NPNT: variants seen among roughly 807,000 people sequenced by gnomAD.
NPNT encodes the protein nephronectin.
In NPNT, 45 loss-of-function variants were observed where a neutral mutation model predicts 68.6. The observed-to-expected ratio is 0.66, with a 90% CI of 0.52 to 0.84. The LOEUF (loss-of-function observed/expected upper bound fraction) is 0.84. Among genes scored for constraint, NPNT ranks in the 40% least tolerant of loss-of-function variants. NPNT has a pLI of 0.00. For missense variants in NPNT, 672 were observed against 714.8 expected (o/e 0.94, Z 0.68); for synonymous variants, 233 against 253.3 (o/e 0.92, Z 0.76).
Position 105,967,272 on chromosome 4 carries a change from A to G in NPNT, c.1430A>G (p.His477Arg), listed in dbSNP as rs375878808. The G allele has an allele frequency of 1.8e-4, 298 of 1,614,028 alleles. No homozygotes were observed. Among genetic ancestry groups the G allele is most frequent in the Non-Finnish European group, 2.1e-4 (248 of 1,179,992 alleles). Residue 477 changes from histidine to arginine, a missense_variant, in exon 11 of 12, where the codon CAT becomes CGT. Coordinates refer to ENST00000379987, the MANE Select transcript of NPNT (RefSeq NM_001033047.3). ...GTGCTACCTCTCGGCCGCCTCATGCATTCAGGGGACCTGTGCCTGTCATTC... is the reference window on the plus strand; with the variant it reads ...GTGCTACCTCTCGGCCGCCTCATGCGTTCAGGGGACCTGTGCCTGTCATTC... The part of the protein sequence containing the change: ...RLVLPLGRLM[H>R]SGDLCLSFRH...
rs1269132058 is a variant in NPNT, at chr4:105,906,705, A to G, written c.172+8704A>G. ...GATATATTTTGAAGATCAGTAATCA[A>G]CTAATGGAGTTGATATCCAGAGACA... On this transcript the variant is annotated intron_variant, in intron 2 of 11. Coordinates refer to ENST00000379987, the MANE Select transcript of NPNT (RefSeq NM_001033047.3). Among the ~76,000 whole-genome samples the G allele has an allele frequency of 2.6e-5, 4 of 152,232 alleles. No individual in the cohort carries two copies. The South Asian group carries it at 6.2e-4, about 24-fold the overall frequency.
At position 105,938,340 on chromosome 4, in the gene NPNT, G is replaced by T. The variant is rs757590756; in HGVS notation, c.425G>T (p.Cys142Phe). The change falls in exon 5 of 12, where the codon TGT (cysteine) becomes TTT (phenylalanine). Residue 142 changes from cysteine (C) to phenylalanine (F), a missense_variant. By Grantham distance (205) the Cys-to-Phe change is radical (BLOSUM62 -2). Coordinates refer to ENST00000379987, the MANE Select transcript of NPNT (RefSeq NM_001033047.3). ...TCSMANCQYG[C>F]DVVKGQIRCQ... Reference sequence around the variant, plus strand: ...TCCATGGCAAACTGTCAGTATGGCTGTGATGTTGTTAAAGGACAAATACGG... The same window carrying T: ...TCCATGGCAAACTGTCAGTATGGCTTTGATGTTGTTAAAGGACAAATACGG... 1 of 1,613,754 alleles carries T rather than the reference G, an allele frequency of 6.2e-7. No homozygotes were observed. Among genetic ancestry groups the T allele is most frequent in the Non-Finnish European group, 8.5e-7 (1 of 1,179,760 alleles).
chr4:105,950,692 G>A (rs899009180), intron 8 of NPNT, among the ~76,000 whole-genome samples: 7 of 152,100 alleles, frequency 4.6e-5, no homozygotes, highest in African/African-American at 1.7e-4. Context: ...TCAACCAGCG[G>A]TGAGCTGGAT....
chr4:105,937,664 A>C (rs1729599445), intron 4 of NPNT, among the ~76,000 whole-genome samples: 1 of 152,216 alleles, frequency 6.6e-6, no homozygotes, highest in South Asian at 2.1e-4. Flanking sequence ...AATGAATATG[A>C]TACCAGAAAA....
chr4:105,966,341 T>G (rs72956799), intron 10 of NPNT, among the ~76,000 whole-genome samples: 3,815 of 152,236 alleles, frequency 0.025, 143 homozygotes, highest in African/African-American at 0.087. Context: ...ATTTTTTTTC[T>G]AATGCAGTTT....
chr4:105,915,262 A>C (rs1011224420), intron 2 of NPNT, among the ~76,000 whole-genome samples: 4 of 152,144 alleles, frequency 2.6e-5, no homozygotes. Context: ...GTAGGAAGTC[A>C]ACCTGGTGAG....
intron 10 of NPNT, among the ~76,000 whole-genome samples, chr4:105,965,979 A>G (rs1445918877): frequency 2.6e-5 from 4 of 151,762 alleles, no homozygotes; most frequent in Non-Finnish European, 5.9e-5. Context: ...GTGCACAGAA[A>G]TCACCTGTGA....
At chr4:105,936,697 T>G (rs1236374460) in intron 3 of NPNT, among the ~76,000 whole-genome samples, 2 of 152,214 alleles carry the variant, frequency 1.3e-5, no homozygotes, top group African/African-American at 4.8e-5. Context: ...TGATAGAGCA[T>G]CTCTGCCCAT....
rs377589302 is a variant in NPNT at position 105,958,457 on chromosome 4, C to A, written c.1160-14C>A. The A allele has an allele frequency of 1.9e-6, 3 of 1,570,138 alleles. No individual in the cohort carries two copies. The highest frequency in any genetic ancestry group is 2.6e-6 in the Non-Finnish European group (3 of 1,141,732). On this transcript the variant is annotated splice_polypyrimidine_tract_variant and intron_variant, in intron 8 of 11. Coordinates refer to ENST00000379987, the MANE Select transcript of NPNT (RefSeq NM_001033047.3). The stretch of plus-strand genomic sequence containing the variant: ...CACACACACACACAAAAACTCAAAA[C>A]CTTTCTCTTGCAGTTCCACGGCAAC...
In NPNT at chr4:105,932,550, T is replaced by A; in HGVS notation, c.266-4459T>A. The A allele has an allele frequency of 8.0e-6, 9 of 1,127,192 alleles. No homozygotes were observed. In the South Asian group the frequency reaches 1.1e-4, roughly 14 times the overall value. 69.8% of individuals were successfully genotyped at this position (1,127,192 alleles called of 1,614,324 possible). On this transcript the variant is annotated intron_variant, in intron 3 of 11. Transcript: ENST00000379987. ...ATTGTTTAATATATACTTGCAAAGATTTTTAGGGCTAAAATTGACATCAGT... is the reference window on the plus strand; with the variant it reads ...ATTGTTTAATATATACTTGCAAAGAATTTTAGGGCTAAAATTGACATCAGT...
At chr4:105,942,825 C>A in intron 8 of NPNT, 123 bp downstream of exon 8, 2 of 876,268 alleles carry the variant, frequency 2.3e-6, no homozygotes, top group Non-Finnish European at 3.4e-6. Context: ...GTCGTATGTC[C>A]CTATTGACAA....
chr4:105,949,521 C>T lies in NPNT; in HGVS notation c.1159+6819C>T, dbSNP rs78679531. Among the ~76,000 whole-genome samples the T allele has an allele frequency of 3.4e-3, 515 of 152,200 alleles. 4 individuals carry two copies. Among genetic ancestry groups the T allele is most frequent in the African/African-American group, 0.012 (491 of 41,520 alleles). On this transcript the variant is annotated intron_variant, in intron 8 of 11. Coordinates refer to ENST00000379987, the MANE Select transcript of NPNT (RefSeq NM_001033047.3). ...AAAGCAGCTATAAGTGGTGGTATGC[C>T]TGTATGGACACCATAGGTTTGCTGC...
At chr4:105,936,641 C>T (rs1313450142) in intron 3 of NPNT, among the ~76,000 whole-genome samples, 1 of 152,190 alleles carries the variant, frequency 6.6e-6, no homozygotes. Context: ...TTGGATCTAG[C>T]AATAGAACCC....
At chr4:105,935,073 A>G (rs1464876792) in intron 3 of NPNT, among the ~76,000 whole-genome samples, 1 of 152,204 alleles carries the variant, frequency 6.6e-6, no homozygotes, top group Non-Finnish European at 1.5e-5. Flanking sequence ...GAGCTGCCTG[A>G]AACTGTAAAC....
At chr4:105,958,661 C>T in intron 9 of NPNT, 104 bp downstream of exon 9, 1 of 586,118 alleles carries the variant, frequency 1.7e-6, no homozygotes. Context: ...GAAAATTACA[C>T]CTGTTTTCTT....
rs533384734 is a variant in NPNT, at chr4:105,970,457, G to A, written c.*1467G>A. On this transcript the variant is annotated 3_prime_UTR_variant, in exon 12 of 12. Transcript: ENST00000379987. ...AAATTAAAGGAACTGGGATTATTGA[G>A]CCTGGAGAAGAGAAGACTGAGGGGC... 7.6e-5 allele frequency: 53 copies of A among 699,454 alleles called. No individual in the cohort carries two copies. The African/African-American group carries it at 7.9e-4, about 10-fold the overall frequency. 43.3% of individuals were successfully genotyped at this position (699,454 alleles called of 1,614,324 possible). A position where few individuals can be genotyped will look rare whatever the true frequency, so the allele number is the denominator to read the frequency against.
At position 105,969,015 on chromosome 4, in the gene NPNT, C is replaced by A; in HGVS notation, c.*25C>A. The A allele has an allele frequency of 7.2e-7, 1 of 1,379,736 alleles. No homozygotes were observed. Among genetic ancestry groups the A allele is most frequent in the Non-Finnish European group, 1.0e-6 (1 of 971,740 alleles). 85.5% of individuals were successfully genotyped at this position (1,379,736 alleles called of 1,614,324 possible). ...ACAACTCCAGAACTAACAATGAACT[C>A]CTATGTTGCTCTATCCTCTTTTTCC... On this transcript the variant is annotated 3_prime_UTR_variant, in exon 12 of 12. Coordinates refer to ENST00000379987, the MANE Select transcript of NPNT (RefSeq NM_001033047.3).
At chr4:105,912,499 C>T (rs922026491) in intron 2 of NPNT, 10 of 527,150 alleles carry the variant, frequency 1.9e-5, no homozygotes, top group African/African-American at 1.0e-4. Flanking sequence ...ATAAATTGAC[C>T]TCCATTCTAA....
chr4:105,915,254 A>T (rs986712017), intron 2 of NPNT, among the ~76,000 whole-genome samples: 13 of 152,262 alleles, frequency 8.5e-5, no homozygotes, highest in African/African-American at 2.9e-4. Flanking sequence ...TGGGACCTGT[A>T]GGAAGTCAAC....
Sources: gnomAD v4.1 joint callset for allele counts (sites outside exome capture counted in the v4.1 genomes callset) on GRCh38, gnomAD v4.1.1 for gene constraint, MANE v1.5 for transcripts, NCBI Gene and HGNC (gene_info 2026-07-23, HGNC 2026-07-21) for gene names.